Variants in ADGRB3 observed in about 807,000 individuals in gnomAD.
ADGRB3 encodes brain-specific angiogenesis inhibitor 3.
ADGRB3 carries 37 observed loss-of-function variants against 193.4 expected under a neutral mutation model. The observed-to-expected ratio is 0.19, with a 90% confidence interval of 0.15 to 0.25. The LOEUF is 0.25. ADGRB3 is among the 10% of genes least tolerant of loss of function. The pLI, the probability that ADGRB3 is intolerant of heterozygous loss-of-function variation, is 1.00. For synonymous variants in ADGRB3, 690 were observed against 644.2 expected, an observed-to-expected ratio of 1.07 and a Z score of -1.08; for missense variants, 1,637 against 1,852.9, an observed-to-expected ratio of 0.88 and a Z score of 2.14.
chr6:68,935,886 T>TA (rs1767475046), intron 4 of ADGRB3, among the ~76,000 whole-genome samples: 1 of 152,164 alleles, frequency 6.6e-6, no homozygotes. Context: ...TATTTTGAGT[T>TA]AAAAAATCAC....
intron 23 of ADGRB3, chr6:69,332,398 G>A: frequency 2.0e-6 from 2 of 985,340 alleles, no homozygotes; most frequent in Non-Finnish European, 1.2e-6. Flanking sequence ...AGAAAAGCAT[G>A]GTACATCAAA....
At chr6:68,966,479 C>T (rs146133085) in intron 8 of ADGRB3, among the ~76,000 whole-genome samples, 175 of 152,280 alleles carry the variant, frequency 1.1e-3, no homozygotes, top group Non-Finnish European at 2.2e-3. Flanking sequence ...CTTTCTGAAA[C>T]GGTCACCTTC....
chr6:69,021,957 C>T (rs72908741), intron 13 of ADGRB3, among the ~76,000 whole-genome samples: 6,673 of 151,678 alleles, frequency 0.044, 225 homozygotes, highest in Non-Finnish European at 0.067. Context: ...GATCTCAAAA[C>T]GTTTAGCAGA....
intron 3 of ADGRB3, among the ~76,000 whole-genome samples, chr6:68,676,405 A>G (rs868435393): frequency 7.5e-4 from 114 of 151,608 alleles, no homozygotes; most frequent in African/African-American, 2.2e-3. Flanking sequence ...AAAAAAAAAA[A>G]AAAAAAGAAA....
chr6:68,950,200 C>T (rs894728150), intron 6 of ADGRB3, among the ~76,000 whole-genome samples: 5 of 151,982 alleles, frequency 3.3e-5, no homozygotes, highest in Admixed American at 6.6e-5. Context: ...ACTACAGGTG[C>T]GCAATACCAT....
intron 20 of ADGRB3, among the ~76,000 whole-genome samples, chr6:69,308,497 G>A (rs895730953): frequency 2.0e-5 from 3 of 151,606 alleles, no homozygotes; most frequent in Non-Finnish European, 4.4e-5. Context: ...TTCGTACTTT[G>A]CATTTCCTAA....
rs569534880 is a variant in ADGRB3 at position 69,192,871 on chromosome 6, A to G, written c.2481-40419A>G. 1.9e-4 allele frequency among the ~76,000 whole-genome samples: 29 copies of G among 152,238 alleles called. No homozygotes were observed. The South Asian group carries it at 5.6e-3, about 29-fold the overall frequency. ...CAGCTTACTTAGAGCTTTTATCTACATATATTTATCACTATTTTTCACTGC... is the reference window on the plus strand; with the variant it reads ...CAGCTTACTTAGAGCTTTTATCTACGTATATTTATCACTATTTTTCACTGC... On this transcript the variant is annotated intron_variant, in intron 17 of 31. Transcript: ENST00000370598.
chr6:68,858,901 C>A (rs922568609), intron 3 of ADGRB3, among the ~76,000 whole-genome samples: 1 of 152,106 alleles, frequency 6.6e-6, no homozygotes, highest in African/African-American at 2.4e-5. Flanking sequence ...CTCTCACATG[C>A]CCTTGAGACA....
At chr6:68,727,267 T>G (rs1052768010) in intron 3 of ADGRB3, among the ~76,000 whole-genome samples, 2 of 151,654 alleles carry the variant, frequency 1.3e-5, no homozygotes, top group African/African-American at 4.8e-5. Context: ...AAAAATCTAA[T>G]ATAAACTCAG....
chr6:68,647,235 G>A (rs966584760), intron 3 of ADGRB3, among the ~76,000 whole-genome samples: 2 of 152,018 alleles, frequency 1.3e-5, no homozygotes, highest in African/African-American at 4.8e-5. Context: ...TCTTTGTGAA[G>A]TAGAATTTTA....
chr6:69,275,680 A>G (rs1348580962), intron 20 of ADGRB3, among the ~76,000 whole-genome samples: 5 of 151,912 alleles, frequency 3.3e-5, no homozygotes, highest in Admixed American at 2.6e-4. Flanking sequence ...TATTTTTGTT[A>G]TAGAGGACAT....
intron 3 of ADGRB3, among the ~76,000 whole-genome samples, chr6:68,647,915 T>G (rs1377535114): frequency 6.6e-6 from 1 of 152,116 alleles, no homozygotes; most frequent in East Asian, 1.9e-4. Flanking sequence ...TGATCCCGAA[T>G]ATCCCCCCAC....
At chr6:69,218,578 A>G (rs1022283705) in intron 17 of ADGRB3, among the ~76,000 whole-genome samples, 2 of 152,156 alleles carry the variant, frequency 1.3e-5, no homozygotes, top group African/African-American at 2.4e-5. Context: ...ATCACACCTA[A>G]CTACTGTAAT....
intron 20 of ADGRB3, among the ~76,000 whole-genome samples, chr6:69,300,296 G>A (rs1767921791): frequency 6.6e-6 from 1 of 151,490 alleles, no homozygotes; most frequent in Non-Finnish European, 1.5e-5. Context: ...TCAATAAGCT[G>A]GATATAAAAG....
Position 69,342,455 on chromosome 6 carries a change from C to T in ADGRB3, c.3459+2951C>T, listed in dbSNP as rs544741504. On this transcript the variant is annotated intron_variant, in intron 26 of 31. Coordinates refer to ENST00000370598, the MANE Select transcript of ADGRB3 (RefSeq NM_001704.3). ...CTTCAGAATTCCTAGAGGAAGATTT[C>T]ATTTAAACACCTTATTTAGAAGGAT... Among the ~76,000 whole-genome samples, 16 of 152,116 alleles carry T rather than the reference C, an allele frequency of 1.1e-4. No individual in the cohort carries two copies. The South Asian group carries it at 3.3e-3, about 32-fold the overall frequency.
chr6:69,010,195 C>T (rs1769892372), intron 11 of ADGRB3, among the ~76,000 whole-genome samples: 1 of 152,032 alleles, frequency 6.6e-6, no homozygotes, highest in African/African-American at 2.4e-5. Flanking sequence ...ACCATAATGC[C>T]TCTCACATAG....
chr6:69,351,985 T>G (rs1196238954), intron 26 of ADGRB3, among the ~76,000 whole-genome samples: 1 of 152,186 alleles, frequency 6.6e-6, no homozygotes, highest in Non-Finnish European at 1.5e-5. Context: ...AAGGCACCAT[T>G]GCTAACACAG....
chr6:68,997,503 A>G (rs1268778876), intron 11 of ADGRB3, among the ~76,000 whole-genome samples: 1 of 150,396 alleles, frequency 6.6e-6, no homozygotes, highest in East Asian at 1.9e-4. Flanking sequence ...AAAAAAAAAA[A>G]AAAAAAGCAG....
At chr6:69,124,650 T>C (rs930151385) in intron 17 of ADGRB3, among the ~76,000 whole-genome samples, 1 of 152,234 alleles carries the variant, frequency 6.6e-6, no homozygotes, top group Non-Finnish European at 1.5e-5. Flanking sequence ...TCTTTTGAAT[T>C]TCTAAAAAGT....
Sources: allele counts gnomAD v4.1 joint callset (sites outside exome capture counted in the v4.1 genomes callset), GRCh38; gene constraint gnomAD v4.1.1; transcripts MANE v1.5; gene names NCBI Gene and HGNC (gene_info 2026-07-23, HGNC 2026-07-21).